The following ABHD16A variants were observed in gnomAD, a reference collection of about 807,000 sequenced individuals.
ABHD16A encodes the protein abhydrolase domain containing 16A, phospholipase.
Under a neutral mutation model 89.8 loss-of-function variants are expected in ABHD16A, and 47 were observed. The observed-to-expected ratio is 0.52, with a 90% CI of 0.41 to 0.67. The LOEUF is 0.67. Ranked by LOEUF, ABHD16A falls within the 30% of genes least tolerant of loss-of-function variation. ABHD16A has a pLI of 0.00. For missense variants in ABHD16A, 580 were observed against 734.6 expected (o/e 0.79, Z 2.43); for synonymous variants, 251 against 280.4 (o/e 0.90, Z 1.05).
intron 2 of ABHD16A, 84 bp downstream of exon 2, chr6:31,701,990 T>A: frequency 6.6e-7 from 1 of 1,507,592 alleles, no homozygotes; most frequent in Non-Finnish European, 9.2e-7. Flanking sequence ...CAGGGCACTG[T>A]TGCTCCCAAG....
chr6:31,690,612 A>G lies in ABHD16A; in HGVS notation c.844-10T>C. On this transcript the variant is annotated splice_polypyrimidine_tract_variant and intron_variant, in intron 9 of 19. Transcript: ENST00000395952. The surrounding 1 kb of genome is among the most constrained non-coding windows in gnomAD (Gnocchi z 4.1). Reference sequence around the variant, plus strand: ...CCTCACAGCAGATCACCTAGGAAGGAGGCAGGAAGGAAGGGCTGGGGGGCC... The same window carrying G: ...CCTCACAGCAGATCACCTAGGAAGGGGGCAGGAAGGAAGGGCTGGGGGGCC... 4 of 1,612,880 alleles carry G rather than the reference A, an allele frequency of 2.5e-6. No homozygotes were observed. The highest frequency in any genetic ancestry group is 3.4e-6 in the Non-Finnish European group (4 of 1,179,948).
rs751296518 is a variant in ABHD16A, at chr6:31,690,157, C to A, written c.908-30G>T. The A allele has an allele frequency of 3.9e-6, 6 of 1,557,850 alleles. No homozygotes were observed. In the African/African-American group the frequency reaches 8.2e-5, roughly 21 times the overall value. On this transcript the variant is annotated intron_variant, in intron 10 of 19. Coordinates refer to ENST00000395952, the MANE Select transcript of ABHD16A (RefSeq NM_021160.3). This position sits in a 1 kb window ranked among gnomAD's most constrained non-coding sequence, Gnocchi z 4.1. The stretch of plus-strand genomic sequence containing the variant: ...AACACAGGGGGAGGAGGGACTGAGA[C>A]CTTGTGGCCCACAGCCCTTTCTCCA...
rs1205209424 is a variant in ABHD16A at position 31,688,332 on chromosome 6, G to C, written c.1251-27C>G. 6 of 1,610,474 alleles carry C rather than the reference G, an allele frequency of 3.7e-6. No homozygotes were observed. Among genetic ancestry groups the C allele is most frequent in the Non-Finnish European group, 5.1e-6 (6 of 1,176,902 alleles). On this transcript the variant is annotated intron_variant, in intron 14 of 19. Coordinates refer to ENST00000395952, the MANE Select transcript of ABHD16A (RefSeq NM_021160.3). This position sits in a 1 kb window ranked among gnomAD's most constrained non-coding sequence, Gnocchi z 4.9. The stretch of plus-strand genomic sequence containing the variant: ...TTCAGAGAACAGAGCAGTGGGAAGG[G>C]AGAGCTCAGAGGGAGACGGGTGACA...
rs1300080433 is a variant in ABHD16A, at chr6:31,701,260, G to C, written c.256+14C>G. On this transcript the variant is annotated intron_variant, in intron 3 of 19. Coordinates refer to ENST00000395952, the MANE Select transcript of ABHD16A (RefSeq NM_021160.3). ...GCCCATTTGCTACCCCACCACCTTTGAAACCACACTGACCTTTCCTGTACA... is the reference window on the plus strand; with the variant it reads ...GCCCATTTGCTACCCCACCACCTTTCAAACCACACTGACCTTTCCTGTACA... 1 of 1,610,272 alleles carries C rather than the reference G, an allele frequency of 6.2e-7. No individual in the cohort carries two copies. The highest frequency in any genetic ancestry group is 2.2e-5 in the East Asian group (1 of 44,818).
chr6:31,687,439 C>T lies in ABHD16A; in HGVS notation c.1593+59G>A. ...CCAATGCTTATAGGGTATCCCCAGTCCCCCTATGTGAGCCCTGGCCATTCA... is the reference window on the plus strand; with the variant it reads ...CCAATGCTTATAGGGTATCCCCAGTTCCCCTATGTGAGCCCTGGCCATTCA... On this transcript the variant is annotated intron_variant, in intron 19 of 19. Coordinates refer to ENST00000395952, the MANE Select transcript of ABHD16A (RefSeq NM_021160.3). The surrounding 1 kb of genome is among the most constrained non-coding windows in gnomAD (Gnocchi z 6.3). The T allele has an allele frequency of 1.2e-6, 2 of 1,607,910 alleles. No homozygotes were observed. Among genetic ancestry groups the T allele is most frequent in the Admixed American group, 1.7e-5 (1 of 60,012 alleles).
At chr6:31,699,364 G>C (rs977854730) in intron 4 of ABHD16A, among the ~76,000 whole-genome samples, 1 of 140,582 alleles carries the variant, frequency 7.1e-6, no homozygotes, top group Non-Finnish European at 1.5e-5. Context: ...AGCCGAGATC[G>C]CGCCACTGCA....
At chr6:31,701,249 C>T (rs1273867584) in intron 3 of ABHD16A, 25 bp downstream of exon 3, 1 of 1,604,528 alleles carries the variant, frequency 6.2e-7, no homozygotes, top group Non-Finnish European at 8.5e-7. Context: ...ATTTGCTACC[C>T]CACCACCTTT....
Position 31,696,811 on chromosome 6 carries a change from G to A in ABHD16A, c.429+137C>T, listed in dbSNP as rs1180660774. 6 of 801,478 alleles carry A rather than the reference G, an allele frequency of 7.5e-6. No homozygotes were observed. In the Admixed American group the frequency reaches 1.3e-4, roughly 17 times the overall value. The allele number at this position is 801,478 out of a possible 1,614,324, so 49.6% of individuals were successfully genotyped here. A position where few individuals can be genotyped will look rare whatever the true frequency, so the allele number is the denominator to read the frequency against. On this transcript the variant is annotated intron_variant, in intron 5 of 19. Transcript: ENST00000395952. ...TGGAGGTGAGAAGGGATACAGCAAT[G>A]TGCAAGCAAACACCCAGTGTGGTGG...
In ABHD16A at chr6:31,690,506, G is replaced by A. The variant is rs1402186663; in HGVS notation, c.907+33C>T. The A allele has an allele frequency of 3.7e-6, 6 of 1,610,058 alleles. No individual in the cohort carries two copies. The highest frequency in any genetic ancestry group is 1.3e-5 in the African/African-American group (1 of 74,854). On this transcript the variant is annotated intron_variant, in intron 10 of 19. Coordinates refer to ENST00000395952, the MANE Select transcript of ABHD16A (RefSeq NM_021160.3). The surrounding 1 kb of genome is among the most constrained non-coding windows in gnomAD (Gnocchi z 4.1). Reference sequence around the variant, plus strand: ...GAGGCAGGGACATTCCCTTTCAAAGGGCGGAGATAAGGAGGCTGAGTCACC... The same window carrying A: ...GAGGCAGGGACATTCCCTTTCAAAGAGCGGAGATAAGGAGGCTGAGTCACC...
intron 5 of ABHD16A, among the ~76,000 whole-genome samples, chr6:31,695,679 T>C (rs531554777): frequency 6.7e-6 from 1 of 149,640 alleles, no homozygotes; most frequent in African/African-American, 2.5e-5. Context: ...GCTGGAATCA[T>C]GCCATTGCAC....
At position 31,693,074 on chromosome 6, in the gene ABHD16A, T is replaced by G; in HGVS notation, c.579A>C (p.Ala193=). The part of the protein sequence containing the change: ...LRPEPLHRGT[A]DTLLNRVKKL... ...TCTTAACCCGGTTGAGGAGGGTGTC[T>G]GCTGTCCCCCGGTGCAGGGGCTCTG... The change falls in exon 7 of 20, where the codon GCA becomes GCC. Residue 193 remains alanine, a synonymous_variant. Coordinates refer to ENST00000395952, the MANE Select transcript of ABHD16A (RefSeq NM_021160.3). The surrounding 1 kb of genome is among the most constrained non-coding windows in gnomAD (Gnocchi z 5.0). The G allele has an allele frequency of 6.2e-7, 1 of 1,614,172 alleles. No homozygotes were observed. The highest frequency in any genetic ancestry group is 1.6e-4 in the Middle Eastern group (1 of 6,062).
At chr6:31,702,165 C>T in intron 1 of ABHD16A, 35 bp from the exon 2 acceptor site, 4 of 1,605,898 alleles carry the variant, frequency 2.5e-6, no homozygotes, top group Non-Finnish European at 3.4e-6. Context: ...AGGACCCTGC[C>T]CACTGGCAGG....
At position 31,687,934 on chromosome 6, in the gene ABHD16A, A is replaced by AT. The variant is rs767867426; in HGVS notation, c.1371-35dup. 10 of 1,611,716 alleles carry AT rather than the reference A, an allele frequency of 6.2e-6. No individual in the cohort carries two copies. The highest frequency in any genetic ancestry group is 2.2e-5 in the East Asian group (1 of 44,844). On this transcript the variant is annotated intron_variant, in intron 16 of 19. Transcript: ENST00000395952. The surrounding 1 kb of genome is among the most constrained non-coding windows in gnomAD (Gnocchi z 6.3). ...GAAGTGCCAGGACAGGTCAGGGCTG[A>AT]TTTTTTTTCATTCACCATCCCTGAA...
intron 4 of ABHD16A, among the ~76,000 whole-genome samples, chr6:31,699,719 T>C (rs1804742666): frequency 6.6e-6 from 1 of 151,796 alleles, no homozygotes; most frequent in Non-Finnish European, 1.5e-5. Flanking sequence ...ACTATAGGCA[T>C]GTGCCACCAT....
At position 31,690,328 on chromosome 6, in the gene ABHD16A, G is replaced by C. The variant is rs1803747414; in HGVS notation, c.908-201C>G. On this transcript the variant is annotated intron_variant, in intron 10 of 19. Coordinates refer to ENST00000395952, the MANE Select transcript of ABHD16A (RefSeq NM_021160.3). The surrounding 1 kb of genome is among the most constrained non-coding windows in gnomAD (Gnocchi z 4.1). ...GTGTGGGGTGTGTGGTGGGGGAATG[G>C]AACAGAATGAAAAGCATAATAGCTA... is the stretch of plus-strand genomic sequence containing the variant. The C allele has an allele frequency of 2.9e-6, 2 of 681,132 alleles. No individual in the cohort carries two copies. Among genetic ancestry groups the C allele is most frequent in the Non-Finnish European group, 5.0e-6 (2 of 399,080 alleles). 42.2% of individuals were successfully genotyped at this position (681,132 alleles called of 1,614,324 possible). A position where few individuals can be genotyped will look rare whatever the true frequency, so the allele number is the denominator to read the frequency against.
chr6:31,691,899 G>C lies in ABHD16A; in HGVS notation c.646C>G (p.Leu216Val). ...QITSYLVAHT[L>V]GRRMLYPGSV... The stretch of plus-strand genomic sequence containing the variant: ...CCTGGATACAGCATCCGGCGCCCTA[G>C]GGTGTGCGCCACCAGGTAGCTGTGG... Residue 216 changes from leucine (L) to valine (V), a missense_variant, in exon 8 of 20, where the codon CTA becomes GTA. Transcript: ENST00000395952. The C allele has an allele frequency of 6.2e-7, 1 of 1,609,308 alleles. No homozygotes were observed. Among genetic ancestry groups the C allele is most frequent in the African/African-American group, 1.3e-5 (1 of 74,978 alleles).
At position 31,688,465 on chromosome 6, in the gene ABHD16A, G is replaced by T; in HGVS notation, c.1251-160C>A. 1.2e-6 allele frequency: 1 copy of T among 845,558 alleles called. No homozygotes were observed. Among genetic ancestry groups the T allele is most frequent in the Non-Finnish European group, 1.9e-6 (1 of 535,758 alleles). The allele number at this position is 845,558 out of a possible 1,614,324, so 52.4% of individuals were successfully genotyped here. A position where few individuals can be genotyped will look rare whatever the true frequency, so the allele number is the denominator to read the frequency against. ...AGGGGTGAGAGGGGATTATTTAAGGGGCATGGTTCAGTCTGGCCCTGCTGG... is the reference window on the plus strand; with the variant it reads ...AGGGGTGAGAGGGGATTATTTAAGGTGCATGGTTCAGTCTGGCCCTGCTGG... On this transcript the variant is annotated intron_variant, in intron 14 of 19. Transcript: ENST00000395952. This position sits in a 1 kb window ranked among gnomAD's most constrained non-coding sequence, Gnocchi z 4.9.
rs190289147 is a variant in ABHD16A, at chr6:31,694,631, T to G, written c.430-1199A>C. On this transcript the variant is annotated intron_variant, in intron 5 of 19. Coordinates refer to ENST00000395952, the MANE Select transcript of ABHD16A (RefSeq NM_021160.3). ...TGGTCTTGATCTCCTGACCTCGTGATCCACCCGCCTCGGCCTTCCAAAGTG... is the reference window on the plus strand; with the variant it reads ...TGGTCTTGATCTCCTGACCTCGTGAGCCACCCGCCTCGGCCTTCCAAAGTG... Among the ~76,000 whole-genome samples the G allele has an allele frequency of 1.6e-3, 249 of 152,208 alleles. 1 individual carries two copies. Among genetic ancestry groups the G allele is most frequent in the African/African-American group, 4.9e-3 (205 of 41,512 alleles).
At position 31,690,079 on chromosome 6, in the gene ABHD16A, G is replaced by A. The variant is rs370042016; in HGVS notation, c.956C>T (p.Thr319Met). ...GWNHPGFAGSTGVPFPQNEAN... is the reference protein window; with the variant it reads ...GWNHPGFAGSMGVPFPQNEAN... The stretch of plus-strand genomic sequence containing the variant: ...AAGGGATTCCTGAGATGGTCTCACC[G>A]TGCTTCCAGCAAAGCCTGGATGATT... The change falls in exon 11 of 20, where the codon ACG (threonine) becomes ATG (methionine). Residue 319 changes from threonine to methionine, a missense_variant and splice_region_variant. Around this residue, in one of 2 missense-constraint regions of ABHD16A, gnomAD observed 415 missense variants for 568.8 expected, o/e 0.73. Coordinates refer to ENST00000395952, the MANE Select transcript of ABHD16A (RefSeq NM_021160.3). The surrounding 1 kb of genome is among the most constrained non-coding windows in gnomAD (Gnocchi z 4.1). The A allele has an allele frequency of 4.0e-5, 64 of 1,595,612 alleles. No individual in the cohort carries two copies. The highest frequency in any genetic ancestry group is 5.3e-5 in the Non-Finnish European group (62 of 1,171,994).
Sources: gnomAD v4.1 joint callset for allele counts (sites outside exome capture counted in the v4.1 genomes callset) on GRCh38, gnomAD v4.1.1 for gene constraint, gnomAD v4.1.1 regional missense constraint, Gnocchi (gnomAD v3.1) non-coding constraint, MANE v1.5 for transcripts, NCBI Gene and HGNC (gene_info 2026-07-23, HGNC 2026-07-21) for gene names.